NF1: variants seen among roughly 807,000 people sequenced by gnomAD.
The protein encoded by NF1 is neurofibromin.
A neutral mutation model predicts 325.7 loss-of-function variants in NF1; 122 were observed. The observed-to-expected ratio is 0.37, with a 90% confidence interval of 0.32 to 0.44. The LOEUF (loss-of-function observed/expected upper bound fraction) is 0.44. NF1 is among the 20% of genes least tolerant of loss of function. The probability of loss-of-function intolerance (pLI) is 1.00; values close to 1 mark genes in which losing one functional copy is unlikely to be tolerated. For synonymous variants in NF1, 1,091 were observed against 1,186.0 expected (o/e 0.92, Z 1.65); for missense variants, 2,140 against 3,415.4 (o/e 0.63, Z 9.31).
Position 31,370,448 on chromosome 17 carries a change from T to G in NF1, c.8378-3565T>G, listed in dbSNP as rs151181275. Among the ~76,000 whole-genome samples, 297 of 152,322 alleles carry G rather than the reference T, an allele frequency of 1.9e-3. 2 individuals are homozygous for G. The highest frequency in any genetic ancestry group is 2.1e-3 in the Non-Finnish European group (141 of 68,016). On this transcript the variant is annotated intron_variant, in intron 57 of 57. Coordinates refer to ENST00000358273, the MANE Select transcript of NF1 (RefSeq NM_001042492.3). ...TCTTTTTTTTATATACTTGAGGTCA[T>G]AGTATGTGAACAACTTTATAGCTTG...
chr17:31,167,212 G>A (rs551365091), intron 4 of NF1, among the ~76,000 whole-genome samples: 2 of 152,178 alleles, frequency 1.3e-5, no homozygotes, highest in Non-Finnish European at 2.9e-5. Context: ...TTTCTGAGGA[G>A]CCGTACTCCA....
At chr17:31,218,960 GATTT>G in intron 13 of NF1, 41 bp from the exon 14 acceptor site, 2 of 1,490,656 alleles carry the variant, frequency 1.3e-6, no homozygotes, top group Non-Finnish European at 1.8e-6. Context: ...AATCTCTCTC[GATTT>G]ATTTATTTTT....
chr17:31,315,274 G>A (rs2068990915), intron 36 of NF1, among the ~76,000 whole-genome samples: 1 of 152,060 alleles, frequency 6.6e-6, no homozygotes, highest in African/African-American at 2.4e-5. Context: ...GTAATGAGGG[G>A]TTGGGGAGAT....
At chr17:31,247,904 A>G (rs2067424624) in intron 29 of NF1, among the ~76,000 whole-genome samples, 1 of 152,248 alleles carries the variant, frequency 6.6e-6, no homozygotes, top group South Asian at 2.1e-4. Flanking sequence ...TGAAAAAAGT[A>G]AAGACCTACA....
At chr17:31,102,431 T>C (rs1414583562) in intron 1 of NF1, among the ~76,000 whole-genome samples, 2 of 152,114 alleles carry the variant, frequency 1.3e-5, no homozygotes, top group Non-Finnish European at 2.9e-5. Context: ...TATTACTGAT[T>C]ATTGTGTTTT....
chr17:31,101,873 C>CT (rs2143216308), intron 1 of NF1, among the ~76,000 whole-genome samples: 1 of 152,036 alleles, frequency 6.6e-6, no homozygotes, highest in East Asian at 1.9e-4. Context: ...TTTTTCTTGT[C>CT]TTTTTATCAA....
chr17:31,152,201 T>G (rs746681892), intron 1 of NF1, among the ~76,000 whole-genome samples: 3 of 152,022 alleles, frequency 2.0e-5, no homozygotes, highest in Non-Finnish European at 2.9e-5. Flanking sequence ...AATAATGTCC[T>G]CTTTCTGCCT....
chr17:31,159,754 G>T (rs1367794860), intron 3 of NF1, among the ~76,000 whole-genome samples: 1 of 152,086 alleles, frequency 6.6e-6, no homozygotes, highest in East Asian at 1.9e-4. Flanking sequence ...CTGGAACATG[G>T]TAAGAGTTTA....
At position 31,376,979 on chromosome 17, in the gene NF1, C is replaced by T. The variant is rs2070740069; in HGVS notation, c.*2824C>T. On this transcript the variant is annotated 3_prime_UTR_variant, in exon 58 of 58. Coordinates refer to ENST00000358273, the MANE Select transcript of NF1 (RefSeq NM_001042492.3). ...AAACAGTCAGCTTCTATCCTGTGTC[C>T]TAGTTGGGGAGACAGAGTGCCAGCC... 1.3e-5 allele frequency: 3 copies of T among 233,226 alleles called. No individual in the cohort carries two copies. Among genetic ancestry groups the T allele is most frequent in the Admixed American group, 5.6e-5 (1 of 17,790 alleles). 14.4% of individuals were successfully genotyped at this position (233,226 alleles called of 1,614,324 possible).
chr17:31,303,285 A>G (rs913619833), intron 36 of NF1, among the ~76,000 whole-genome samples: 5 of 152,186 alleles, frequency 3.3e-5, no homozygotes, highest in African/African-American at 1.2e-4. Context: ...GGCATCCCCA[A>G]AAGTATAGGC....
At chr17:31,353,260 G>A (rs999201475) in intron 51 of NF1, among the ~76,000 whole-genome samples, 2 of 152,162 alleles carry the variant, frequency 1.3e-5, no homozygotes, top group African/African-American at 2.4e-5. Context: ...AACATTTATA[G>A]AATTTTTGTC....
At chr17:31,330,207 A>G (rs2069445418) in intron 38 of NF1, 89 bp from the exon 39 acceptor site, 1 of 1,067,646 alleles carries the variant, frequency 9.4e-7, no homozygotes, top group Non-Finnish European at 1.4e-6. Context: ...ATACTTTGTA[A>G]CAGAATCACA....
chr17:31,174,587 A>C (rs1019221813), intron 5 of NF1, among the ~76,000 whole-genome samples: 1 of 152,242 alleles, frequency 6.6e-6, no homozygotes, highest in Non-Finnish European at 1.5e-5. Flanking sequence ...TTAAATAACC[A>C]GTCACTTAAT....
At chr17:31,237,399 C>A (rs2067222221) in intron 29 of NF1, among the ~76,000 whole-genome samples, 1 of 152,106 alleles carries the variant, frequency 6.6e-6, no homozygotes, top group Non-Finnish European at 1.5e-5. Context: ...CTCAGCCTCC[C>A]AAGTAGCTGG....
chr17:31,233,360 T>C, intron 27 of NF1, 147 bp downstream of exon 27: 1 of 840,766 alleles, frequency 1.2e-6, no homozygotes, highest in Non-Finnish European at 2.0e-6. Flanking sequence ...TTTTCAGCTG[T>C]AGGGAAGTGG....
chr17:31,116,761 G>C (rs1349221658), intron 1 of NF1, among the ~76,000 whole-genome samples: 1 of 151,746 alleles, frequency 6.6e-6, no homozygotes, highest in Admixed American at 6.6e-5. Context: ...TCCGCATCTT[G>C]GTTTCACACC....
intron 15 of NF1, among the ~76,000 whole-genome samples, chr17:31,223,217 T>A (rs1348365361): frequency 6.6e-6 from 1 of 152,170 alleles, no homozygotes; most frequent in Non-Finnish European, 1.5e-5. Context: ...TAATGAAACA[T>A]AGGGGGCTTA....
intron 37 of NF1, among the ~76,000 whole-genome samples, chr17:31,326,916 ATTGT>A (rs1005138075): frequency 6.6e-6 from 1 of 151,828 alleles, no homozygotes; most frequent in Non-Finnish European, 1.5e-5. Flanking sequence ...TTTCTATAAG[ATTGT>A]TTGTTTTGTT....
rs199474766 is a variant in NF1 at position 31,265,317 on chromosome 17, A to G, written c.4813A>G (p.Ile1605Val). The G allele has an allele frequency of 9.9e-6, 16 of 1,612,122 alleles. 1 individual carries two copies. The highest frequency in any genetic ancestry group is 1.6e-4 in the Middle Eastern group (1 of 6,074). ...QAGTSKAGNPIFYYVARRFKT... is the reference protein window; with the variant it reads ...QAGTSKAGNPVFYYVARRFKT... ...TGGGACTTCCAAAGCTGGGAATCCT[A>G]TTTTTTATTATGTTGCACGGAGGTA... is the stretch of plus-strand genomic sequence containing the variant. The change falls in exon 36 of 58, where the codon ATT (isoleucine) becomes GTT (valine). Residue 1605 changes from isoleucine (I) to valine (V), a missense_variant. Coordinates refer to ENST00000358273, the MANE Select transcript of NF1 (RefSeq NM_001042492.3).
Sources: gnomAD v4.1 joint callset for allele counts (sites outside exome capture counted in the v4.1 genomes callset) on GRCh38, gnomAD v4.1.1 for gene constraint, MANE v1.5 for transcripts, NCBI Gene and HGNC (gene_info 2026-07-23, HGNC 2026-07-21) for gene names.